ZBTB25: variants seen among roughly 807,000 people sequenced by gnomAD.
ZBTB25 encodes zinc finger and BTB domain-containing protein 25.
ZBTB25 carries 20 observed loss-of-function variants against 34.2 expected under a neutral mutation model. That is an observed-to-expected ratio of 0.58 (90% CI 0.41 to 0.85). The LOEUF (loss-of-function observed/expected upper bound fraction) is 0.85. Ranked by LOEUF, ZBTB25 falls within the 40% of genes least tolerant of loss-of-function variation. The pLI is 0.00. For missense variants in ZBTB25, 437 were observed against 521.8 expected, an observed-to-expected ratio of 0.84 and a Z score of 1.58; for synonymous variants, 175 against 186.4, an observed-to-expected ratio of 0.94 and a Z score of 0.50.
chr14:64,492,039 G>C (rs550988570), intron 1 of ZBTB25, among the ~76,000 whole-genome samples: 2 of 143,452 alleles, frequency 1.4e-5, no homozygotes, highest in African/African-American at 5.1e-5. Context: ...GATAGCTTTA[G>C]CCAGGAAGAT....
chr14:64,451,019 A>G (rs1371709590), intron 2 of ZBTB25, among the ~76,000 whole-genome samples: 1 of 152,108 alleles, frequency 6.6e-6, no homozygotes, highest in Non-Finnish European at 1.5e-5. Context: ...AATACAAAAA[A>G]TTAGCTGGGT....
intron 2 of ZBTB25, chr14:64,459,914 C>A: frequency 6.5e-7 from 1 of 1,535,596 alleles, no homozygotes; most frequent in Non-Finnish European, 8.7e-7. Context: ...TCATTTTCAG[C>A]CTTAATTCTC....
intron 2 of ZBTB25, among the ~76,000 whole-genome samples, chr14:64,465,180 G>A (rs1049437957): frequency 2.6e-5 from 4 of 152,296 alleles, no homozygotes; most frequent in Non-Finnish European, 4.4e-5. Flanking sequence ...ACTATTTAGC[G>A]TCTCAGAAAA....
Position 64,484,862 on chromosome 14 carries a change from G to A in ZBTB25, c.*2061C>T, listed in dbSNP as rs2078841517. 1 of 259,972 alleles carries A rather than the reference G, an allele frequency of 3.8e-6. No homozygotes were observed. The highest frequency in any genetic ancestry group is 2.3e-5 in the African/African-American group (1 of 43,322). 16.1% of individuals were successfully genotyped at this position (259,972 alleles called of 1,614,324 possible). ...AATACTTGTGTTCTTCCAATGAGAT[G>A]ATATTTTTGAGGGCAGTACAAATTT... On this transcript the variant is annotated 3_prime_UTR_variant, in exon 3 of 3. Transcript: ENST00000608382.
In ZBTB25 at chr14:64,481,413, C is replaced by T. The variant is rs1314420696; in HGVS notation, c.*5510G>A. On this transcript the variant is annotated 3_prime_UTR_variant, in exon 3 of 3. Coordinates refer to ENST00000608382, the MANE Select transcript of ZBTB25 (RefSeq NM_006977.5). ...CATTAGGTGGATGAGTTTAGCCACACAATGTATTATTGATTTTGGTCTCCT... is the reference window on the plus strand; with the variant it reads ...CATTAGGTGGATGAGTTTAGCCACATAATGTATTATTGATTTTGGTCTCCT... 1 of 152,220 alleles carries T rather than the reference C, an allele frequency of 6.6e-6. No individual in the cohort carries two copies. The highest frequency in any genetic ancestry group is 2.4e-5 in the African/African-American group (1 of 41,462). 9.4% of individuals were successfully genotyped at this position (152,220 alleles called of 1,614,324 possible). A position where few individuals can be genotyped will look rare whatever the true frequency, so the allele number is the denominator to read the frequency against.
chr14:64,451,131 T>C (rs982537484), intron 2 of ZBTB25, among the ~76,000 whole-genome samples: 3 of 151,910 alleles, frequency 2.0e-5, no homozygotes, highest in African/African-American at 7.3e-5. Flanking sequence ...ATCACTGCAC[T>C]CTAGCCTGGG....
chr14:64,482,005 TA>T lies in ZBTB25; in HGVS notation c.*4917del, dbSNP rs1178355615. Reference sequence around the variant, plus strand: ...AACATCAAGAATGTGCCTGTACAAATAAATGTTAACGAAATTACACATTTTT... The same window carrying T: ...AACATCAAGAATGTGCCTGTACAAATAATGTTAACGAAATTACACATTTTT... On this transcript the variant is annotated 3_prime_UTR_variant, in exon 3 of 3. Transcript: ENST00000608382. 6.6e-6 allele frequency: 1 copy of T among 152,340 alleles called. No homozygotes were observed. Among genetic ancestry groups the T allele is most frequent in the East Asian group, 1.9e-4 (1 of 5,190 alleles). The allele number at this position is 152,340 out of a possible 1,614,324, so 9.4% of individuals were successfully genotyped here.
Position 64,486,092 on chromosome 14 carries a change from G to A in ZBTB25, c.*831C>T. The A allele has an allele frequency of 1.2e-6, 1 of 809,288 alleles. No individual in the cohort carries two copies. The highest frequency in any genetic ancestry group is 1.5e-6 in the Non-Finnish European group (1 of 669,952). The allele number at this position is 809,288 out of a possible 1,614,324, so 50.1% of individuals were successfully genotyped here. A position where few individuals can be genotyped will look rare whatever the true frequency, so the allele number is the denominator to read the frequency against. On this transcript the variant is annotated 3_prime_UTR_variant, in exon 3 of 3. Transcript: ENST00000608382. Reference sequence around the variant, plus strand: ...AGGCGGGCAGATGACGAGGTCAGGAGATCGAGACCATCCTGGCTAACACGG... The same window carrying A: ...AGGCGGGCAGATGACGAGGTCAGGAAATCGAGACCATCCTGGCTAACACGG...
intron 1 of ZBTB25, chr14:64,502,611 G>C (rs1282936520): frequency 1.0e-6 from 1 of 984,300 alleles, no homozygotes; most frequent in Non-Finnish European, 1.2e-6. Context: ...GGCCATGCCT[G>C]ACTTCTCCAT....
chr14:64,489,980 G>A (rs2079020049), intron 2 of ZBTB25, among the ~76,000 whole-genome samples: 1 of 151,074 alleles, frequency 6.6e-6, no homozygotes, highest in Admixed American at 6.6e-5. Flanking sequence ...GGCTGAGGCA[G>A]GCGGATCACC....
Position 64,487,627 on chromosome 14 carries a change from A to C in ZBTB25, c.604T>G (p.Ser202Ala). The C allele has an allele frequency of 6.2e-7, 1 of 1,605,556 alleles. No individual in the cohort carries two copies. Among genetic ancestry groups the C allele is most frequent in the Non-Finnish European group, 8.5e-7 (1 of 1,175,932 alleles). Reference sequence around the variant, plus strand: ...GGGTCACATCTCTCCTGCTTGATGGAAACTGGGGGCTTCTGGTGCTCCTCC... The same window carrying C: ...GGGTCACATCTCTCCTGCTTGATGGCAACTGGGGGCTTCTGGTGCTCCTCC... ...ALEEHQKPPV[S>A]IKQERCDPES... The change falls in exon 3 of 3, where the codon TCC becomes GCC. Residue 202 changes from serine (S) to alanine (A), a missense_variant. Ser to Ala is a moderately conservative substitution (Grantham distance 99, BLOSUM62 1). Coordinates refer to ENST00000608382, the MANE Select transcript of ZBTB25 (RefSeq NM_006977.5).
intron 1 of ZBTB25, among the ~76,000 whole-genome samples, chr14:64,501,175 T>A (rs1336312497): frequency 6.6e-6 from 1 of 152,248 alleles, no homozygotes. Context: ...CAAGTAGCAA[T>A]ATCTTTCCTT....
chr14:64,491,766 G>A (rs919157546), intron 1 of ZBTB25, among the ~76,000 whole-genome samples: 2 of 152,120 alleles, frequency 1.3e-5, no homozygotes, highest in Non-Finnish European at 2.9e-5. Flanking sequence ...GGGTGGCCAG[G>A]AGAACATCCT....
chr14:64,463,879 T>C (rs1443632774), intron 2 of ZBTB25, among the ~76,000 whole-genome samples: 1 of 152,192 alleles, frequency 6.6e-6, no homozygotes, highest in Non-Finnish European at 1.5e-5. Context: ...TGAGAAACCT[T>C]GGATCTCAAT....
chr14:64,480,376 ATG>A lies in ZBTB25; in HGVS notation c.*6545_*6546del. ...AAGCAAAGCAAGAAACTTCTGGGAA[ATG>A]ACGAAATACTACCTTTCTTTCCAGA... On this transcript the variant is annotated 3_prime_UTR_variant, in exon 3 of 3. Transcript: ENST00000608382. 2.5e-6 allele frequency: 1 copy of A among 400,138 alleles called. No homozygotes were observed. Among genetic ancestry groups the A allele is most frequent in the Non-Finnish European group, 4.8e-6 (1 of 207,150 alleles). 24.8% of individuals were successfully genotyped at this position (400,138 alleles called of 1,614,324 possible). A position where few individuals can be genotyped will look rare whatever the true frequency, so the allele number is the denominator to read the frequency against.
At chr14:64,500,086 G>A (rs967328529) in intron 1 of ZBTB25, among the ~76,000 whole-genome samples, 2 of 151,796 alleles carry the variant, frequency 1.3e-5, no homozygotes, top group African/African-American at 2.4e-5. Flanking sequence ...ATCAGAACCC[G>A]GAGAAAGAAA....
rs373982222 is a variant in ZBTB25 at position 64,470,892 on chromosome 14, A to C, written c.173+19469T>G. The C allele has an allele frequency of 7.8e-5, 13 of 167,174 alleles. No individual in the cohort carries two copies. In the East Asian group the frequency reaches 2.5e-3, roughly 32 times the overall value. 10.4% of individuals were successfully genotyped at this position (167,174 alleles called of 1,614,324 possible). A position where few individuals can be genotyped will look rare whatever the true frequency, so the allele number is the denominator to read the frequency against. On this transcript the variant is annotated intron_variant, in intron 2 of 2. Transcript: ENST00000555220. ...AATTACTTCTTTAAGAGCCATATTCATCAACTTCTCTCCAAAGAGGGGAGA... is the reference window on the plus strand; with the variant it reads ...AATTACTTCTTTAAGAGCCATATTCCTCAACTTCTCTCCAAAGAGGGGAGA...
chr14:64,491,402 G>C (rs1051534006), intron 1 of ZBTB25, among the ~76,000 whole-genome samples: 1 of 152,116 alleles, frequency 6.6e-6, no homozygotes, highest in Non-Finnish European at 1.5e-5. Context: ...GGAGGTCAAG[G>C]CTGCAGTGAG....
chr14:64,476,631 G>A (rs1033554158), downstream of ZBTB25, among the ~76,000 whole-genome samples: 3 of 152,072 alleles, frequency 2.0e-5, no homozygotes, highest in Admixed American at 1.3e-4. Flanking sequence ...CAAAACTAGA[G>A]TATTTCTATC....
Sources: allele counts gnomAD v4.1 joint callset (sites outside exome capture counted in the v4.1 genomes callset), GRCh38; gene constraint gnomAD v4.1.1; transcripts MANE v1.5; gene names NCBI Gene and HGNC (gene_info 2026-07-23, HGNC 2026-07-21).